Variants in CCNJL observed in about 807,000 individuals in gnomAD.
CCNJL encodes cyclin-J-like protein.
A neutral mutation model predicts 33.4 loss-of-function variants in CCNJL; 33 were observed. That is an observed-to-expected ratio of 0.99 (90% CI 0.75 to 1.32). CCNJL has a LOEUF of 1.32. Among genes scored for constraint, CCNJL ranks in the 40% most tolerant of loss-of-function variants. The pLI is 0.00. For synonymous variants in CCNJL, 227 were observed against 220.9 expected (o/e 1.03, Z -0.24); for missense variants, 512 against 499.7 (o/e 1.02, Z -0.23).
intron 3 of CCNJL, among the ~76,000 whole-genome samples, chr5:160,267,011 A>G (rs1761623714): frequency 1.3e-5 from 2 of 152,142 alleles, no homozygotes; most frequent in Non-Finnish European, 2.9e-5. Context: ...CCAGGGTGAG[A>G]CTTTTCCCAG....
intron 2 of CCNJL, among the ~76,000 whole-genome samples, chr5:160,307,079 A>G (rs1041596748): frequency 2.6e-5 from 4 of 152,234 alleles, no homozygotes; most frequent in African/African-American, 9.6e-5. Context: ...GACGAGATGA[A>G]GGATTCCCAG....
At chr5:160,280,338 GTC>G (rs1762163488) in intron 3 of CCNJL, among the ~76,000 whole-genome samples, 185 bp downstream of exon 3, 1 of 152,174 alleles carries the variant, frequency 6.6e-6, no homozygotes. Context: ...TTATCACTTG[GTC>G]TGGTACATTA....
At chr5:160,323,384 C>T (rs374647173) in intron 1 of CCNJL, among the ~76,000 whole-genome samples, 26 of 152,190 alleles carry the variant, frequency 1.7e-4, no homozygotes, top group South Asian at 6.2e-4. Context: ...TGTGAGCCAC[C>T]GTGCCTGGCT....
chr5:160,262,377 C>T (rs1008791376), intron 3 of CCNJL, among the ~76,000 whole-genome samples: 13 of 152,334 alleles, frequency 8.5e-5, no homozygotes, highest in Admixed American at 5.2e-4. Flanking sequence ...GGGATTACTG[C>T]GGAATCTGAT....
At chr5:160,276,206 C>G (rs777021263) in intron 3 of CCNJL, 1 of 151,510 alleles carries the variant, frequency 6.6e-6, no homozygotes, top group African/African-American at 2.4e-5. Flanking sequence ...ACTAACCTGG[C>G]CAACATGGTG....
intron 4 of CCNJL, among the ~76,000 whole-genome samples, chr5:160,257,268 G>C (rs540247019): frequency 6.6e-6 from 1 of 152,132 alleles, no homozygotes; most frequent in Non-Finnish European, 1.5e-5. Flanking sequence ...GAGGTCAGGA[G>C]ATCGAGACCA....
chr5:160,324,580 ACAAAAACAAAAAG>A (rs895845241), intron 1 of CCNJL, among the ~76,000 whole-genome samples: 1 of 149,994 alleles, frequency 6.7e-6, no homozygotes, highest in African/African-American at 2.5e-5. Context: ...TCTCCAAAAA[ACAAAAACAAAAAG>A]CAAAAACACA....
intron 2 of CCNJL, among the ~76,000 whole-genome samples, chr5:160,311,323 T>C (rs1007843366): frequency 6.6e-6 from 1 of 152,204 alleles, no homozygotes; most frequent in Non-Finnish European, 1.5e-5. Context: ...CCATTCTAGA[T>C]ATACACATAG....
intron 1 of CCNJL, among the ~76,000 whole-genome samples, chr5:160,324,925 G>A (rs1351724363): frequency 6.6e-6 from 1 of 152,106 alleles, no homozygotes; most frequent in Non-Finnish European, 1.5e-5. Flanking sequence ...TATAGAATAC[G>A]AGCAGCCAAA....
At chr5:160,312,912 A>G (rs918619116), upstream of CCNJL, 1 of 147,110 alleles carries the variant, frequency 6.8e-6, no homozygotes, top group Non-Finnish European at 1.5e-5. Context: ...CGTCGGTTCC[A>G]CCTGTTTTTC....
At chr5:160,265,858 GA>G (rs200091163) in intron 3 of CCNJL, among the ~76,000 whole-genome samples, 6,403 of 97,120 alleles carry the variant, frequency 0.066, 321 homozygotes, top group African/African-American at 0.18. Flanking sequence ...GTCTCCAGGG[GA>G]AAAAAAAAAA....
intron 3 of CCNJL, chr5:160,269,341 C>T (rs1371451807): frequency 4.5e-6 from 2 of 447,904 alleles, no homozygotes; most frequent in Non-Finnish European, 9.0e-6. Flanking sequence ...ACCCGAATAG[C>T]TGGCATCTGG....
chr5:160,269,847 T>C (rs971854457), intron 3 of CCNJL, among the ~76,000 whole-genome samples: 1 of 152,220 alleles, frequency 6.6e-6, no homozygotes, highest in African/African-American at 2.4e-5. Context: ...GGTGACAACC[T>C]GTGTCCCCAT....
At chr5:160,315,534 G>T, upstream of CCNJL, 1 of 273,064 alleles carries the variant, frequency 3.7e-6, no homozygotes, top group Non-Finnish European at 8.2e-6. Context: ...ACAAGAGAAA[G>T]AATAAGCTGT....
At chr5:160,319,831 GGGAGGTTGAGGTGGGGAGATCGT>G (rs1763418630) in intron 1 of CCNJL, among the ~76,000 whole-genome samples, 1 of 152,082 alleles carries the variant, frequency 6.6e-6, no homozygotes, top group Non-Finnish European at 1.5e-5. Context: ...CCAGCTACTT[GGGAGGTTGAGGTGGGGAGATCGT>G]GGCTGCAGTA....
chr5:160,259,343 T>A, intron 4 of CCNJL, 126 bp downstream of exon 4: 2 of 767,336 alleles, frequency 2.6e-6, no homozygotes, highest in Non-Finnish European at 4.2e-6. Context: ...TTAAGAGTGA[T>A]CTGGGTGCAC....
intron 2 of CCNJL, among the ~76,000 whole-genome samples, chr5:160,308,577 G>A (rs542655537): frequency 6.6e-6 from 1 of 152,342 alleles, no homozygotes; most frequent in South Asian, 2.1e-4. Flanking sequence ...TGACCAACAG[G>A]TGAAACCCCG....
intron 1 of CCNJL, chr5:160,326,708 C>T: frequency 2.2e-6 from 2 of 923,948 alleles, no homozygotes; most frequent in Admixed American, 1.8e-5. Flanking sequence ...ATACCATGGC[C>T]AGGGCCAGAA....
intron 3 of CCNJL, among the ~76,000 whole-genome samples, chr5:160,263,542 C>T (rs1178522491): frequency 6.6e-6 from 1 of 152,170 alleles, no homozygotes; most frequent in East Asian, 1.9e-4. Context: ...CTGATTGTTT[C>T]CTCACAATTA....
Sources: gnomAD v4.1 joint callset for allele counts (sites outside exome capture counted in the v4.1 genomes callset) on GRCh38, gnomAD v4.1.1 for gene constraint, MANE v1.5 for transcripts, NCBI Gene and HGNC (gene_info 2026-07-23, HGNC 2026-07-21) for gene names.